DND1: variants seen among roughly 807,000 people sequenced by gnomAD.
DND1 encodes dead end protein homolog 1.
Under a neutral mutation model 30.4 loss-of-function variants are expected in DND1, and 6 were observed. The ratio of observed to expected loss-of-function variants is 0.20; its 90% CI spans 0.11 to 0.39. DND1 has a LOEUF of 0.39. Among genes scored for constraint, DND1 ranks in the 10% least tolerant of loss-of-function variants. DND1 has a pLI of 1.00. For missense variants in DND1, 358 were observed against 474.9 expected (o/e 0.75, Z 2.29); for synonymous variants, 178 against 210.4 (o/e 0.85, Z 1.33).
In DND1 at chr5:140,673,388, G is replaced by A; in HGVS notation, c.25C>T (p.Leu9=). The change falls in exon 2 of 4, where the codon CTG becomes TTG. Residue 9 remains leucine (L), a splice_region_variant and synonymous_variant. Transcript: ENST00000542735. ...TCTGGATTCACCCTCTCACACCACA[G>A]CTGAGAGGGAAAGGAAGGTTGGAAT... MQSKRDCE[L]WCERVNPENK... The A allele has an allele frequency of 6.2e-7, 1 of 1,614,044 alleles. No individual in the cohort carries two copies. The highest frequency in any genetic ancestry group is 8.5e-7 in the Non-Finnish European group (1 of 1,179,900).
intron 3 of DND1, 136 bp from the exon 4 acceptor site, chr5:140,671,886 A>T: frequency 1.0e-6 from 1 of 967,840 alleles, no homozygotes; most frequent in South Asian, 1.4e-5. Flanking sequence ...GGGTAAGAAA[A>T]GACAATGAAG....
intron 3 of DND1, 182 bp from the exon 4 acceptor site, chr5:140,671,932 A>G (rs1254652422): frequency 1.5e-6 from 1 of 680,840 alleles, no homozygotes; most frequent in African/African-American, 1.8e-5. Flanking sequence ...GGAGTATAAC[A>G]CACTGCTACC....
Position 140,671,019 on chromosome 5 carries a change from TG to T in DND1, c.*273del, listed in dbSNP as rs1419685139. 1 of 449,856 alleles carries T rather than the reference TG, an allele frequency of 2.2e-6. No individual in the cohort carries two copies. The highest frequency in any genetic ancestry group is 3.8e-6 in the Non-Finnish European group (1 of 260,026). The allele number at this position is 449,856 out of a possible 1,614,324, so 27.9% of individuals were successfully genotyped here. A position where few individuals can be genotyped will look rare whatever the true frequency, so the allele number is the denominator to read the frequency against. Reference sequence around the variant, plus strand: ...GCAGAGGGGGGAAGGTATGATCGGGTGGGGGTGGGACAAGGAACGGCCATGG... The same window carrying T: ...GCAGAGGGGGGAAGGTATGATCGGGTGGGGTGGGACAAGGAACGGCCATGG... On this transcript the variant is annotated 3_prime_UTR_variant, in exon 4 of 4. Coordinates refer to ENST00000542735, the MANE Select transcript of DND1 (RefSeq NM_194249.3).
chr5:140,672,980 G>C, intron 2 of DND1, 74 bp from the exon 3 acceptor site: 4 of 1,481,006 alleles, frequency 2.7e-6, no homozygotes, highest in Non-Finnish European at 3.6e-6. Context: ...CCAGCGCGCG[G>C]GGGTGGGAGG....
intron 1 of DND1, 50 bp downstream of exon 1, chr5:140,673,469 G>A (rs1758155734): frequency 8.1e-6 from 13 of 1,612,820 alleles, no homozygotes; most frequent in Non-Finnish European, 1.1e-5. Context: ...CCCTAAAGCC[G>A]ACCCCCGCTC....
rs781541146 is a variant in DND1 at position 140,672,764 on chromosome 5, G to A, written c.285C>T (p.Gly95=). 1.3e-6 allele frequency: 2 copies of A among 1,587,880 alleles called. No individual in the cohort carries two copies. The highest frequency in any genetic ancestry group is 2.3e-5 in the East Asian group (1 of 44,152). The change falls in exon 3 of 4, where the codon GGC becomes GGT. Residue 95 remains glycine, a synonymous_variant. Coordinates refer to ENST00000542735, the MANE Select transcript of DND1 (RefSeq NM_194249.3). Reference sequence around the variant, plus strand: ...GGGCATAGGCGAAGCCGCGGTTCAGGCCGCTGAAGGTCATCATCAGGCGGA... The same window carrying A: ...GGGCATAGGCGAAGCCGCGGTTCAGACCGCTGAAGGTCATCATCAGGCGGA... ...YEFRLMMTFS[G]LNRGFAYARY...
chr5:140,672,124 A>G (rs950413335), intron 3 of DND1: 22 of 545,510 alleles, frequency 4.0e-5, no homozygotes, highest in African/African-American at 4.0e-4. Flanking sequence ...TAGTAGTAAA[A>G]AGCTCAGTTG....
At position 140,672,813 on chromosome 5, in the gene DND1, TG is replaced by T; in HGVS notation, c.235del (p.Gln79SerfsTer11). The T allele has an allele frequency of 1.3e-6, 2 of 1,565,200 alleles. No homozygotes were observed. The highest frequency in any genetic ancestry group is 1.7e-6 in the Non-Finnish European group (2 of 1,162,508). On this transcript the variant is annotated frameshift_variant, in exon 3 of 4. Transcript: ENST00000542735. LOFTEE classifies it high-confidence loss of function. ...VYEHQLIPLF[Q>X]RVGRLYEFRL... ...GAACTCGTAGAGGCGGCCCACGCGCTGGAACAGCGGGATAAGCTGGTGCTCG... is the reference window on the plus strand; with the variant it reads ...GAACTCGTAGAGGCGGCCCACGCGCTGAACAGCGGGATAAGCTGGTGCTCG...
In DND1 at chr5:140,671,421, C is replaced by T; in HGVS notation, c.934G>A (p.Asp312Asn). 1.2e-6 allele frequency: 2 copies of T among 1,612,160 alleles called. No homozygotes were observed. Among genetic ancestry groups the T allele is most frequent in the Non-Finnish European group, 1.7e-6 (2 of 1,179,856 alleles). Reference protein sequence around the residue: ...SGLIWVVLTLDGRDGHEVAKD... With the variant: ...SGLIWVVLTLNGRDGHEVAKD... ...GCCACCTCATGCCCATCCCGGCCAT[C>T]TAGGGTCAGCACAACCCAGATGAGG... Residue 312 changes from aspartate to asparagine, a missense_variant, in exon 4 of 4, where the codon GAT becomes AAT. This residue lies in a region of DND1 where 176 missense variants were observed against 235.2 expected (regional missense o/e 0.75). Coordinates refer to ENST00000542735, the MANE Select transcript of DND1 (RefSeq NM_194249.3).
At position 140,672,479 on chromosome 5, in the gene DND1, C is replaced by T. The variant is rs772684319; in HGVS notation, c.570G>A (p.Arg190=). 9 of 1,604,674 alleles carry T rather than the reference C, an allele frequency of 5.6e-6. No homozygotes were observed. The highest frequency in any genetic ancestry group is 1.3e-5 in the African/African-American group (1 of 74,796). Residue 190 remains arginine (R), a synonymous_variant, in exon 3 of 4, where the codon CGG becomes CGA. Transcript: ENST00000542735. ...GGGCCTTTTTGGCCATGGCAGCGGC[C>T]CGGTGCGAGCTGAATTTGAGCAGAG... is the stretch of plus-strand genomic sequence containing the variant. The part of the protein sequence containing the change: ...QIALLKFSSH[R]AAAMAKKALV...
At position 140,671,354 on chromosome 5, in the gene DND1, T is replaced by C. The variant is rs1017627641; in HGVS notation, c.1001A>G (p.Glu334Gly). 1 of 1,612,696 alleles carries C rather than the reference T, an allele frequency of 6.2e-7. No individual in the cohort carries two copies. Among genetic ancestry groups the C allele is most frequent in the Non-Finnish European group, 8.5e-7 (1 of 1,179,904 alleles). The change falls in exon 4 of 4, where the codon GAG becomes GGG. Residue 334 changes from glutamate to glycine, a missense_variant. Coordinates refer to ENST00000542735, the MANE Select transcript of DND1 (RefSeq NM_194249.3). Reference protein sequence around the residue: ...VSVRLLQALSESGANLLWSAG... With the variant: ...VSVRLLQALSGSGANLLWSAG... ...AGACCACAGGAGGTTGGCCCCAGAC[T>C]CACTGAGTGCCTGCAGCAGCCGTAC...
chr5:140,672,310 C>T, intron 3 of DND1, 135 bp downstream of exon 3: 2 of 978,024 alleles, frequency 2.0e-6, no homozygotes, highest in Non-Finnish European at 3.0e-6. Flanking sequence ...TTTTAAAAAT[C>T]TGAGATCAAA....
In DND1 at chr5:140,672,496, T is replaced by C. The variant is rs1332573657; in HGVS notation, c.553A>G (p.Lys185Glu). The C allele has an allele frequency of 2.5e-6, 4 of 1,603,386 alleles. No homozygotes were observed. Among genetic ancestry groups the C allele is most frequent in the Non-Finnish European group, 3.4e-6 (4 of 1,177,286 alleles). The change falls in exon 3 of 4, where the codon AAA (lysine) becomes GAA (glutamate). Residue 185 changes from lysine (K) to glutamate (E), a missense_variant. Around this residue, in one of 3 missense-constraint regions of DND1, gnomAD observed 176 missense variants for 235.2 expected, o/e 0.75. Transcript: ENST00000542735. ...GPAPGQIALL[K>E]FSSHRAAAMA... ...GCAGCGGCCCGGTGCGAGCTGAATTTGAGCAGAGCGATCTGCCCGGGCGCC... is the reference window on the plus strand; with the variant it reads ...GCAGCGGCCCGGTGCGAGCTGAATTCGAGCAGAGCGATCTGCCCGGGCGCC...
chr5:140,672,519 G>A lies in DND1; in HGVS notation c.530C>T (p.Ala177Val), dbSNP rs752706118. Residue 177 changes from alanine (A) to valine (V), a missense_variant, in exon 3 of 4, where the codon GCG (alanine) becomes GTG (valine). Physicochemically the swap from Ala to Val is moderately conservative, Grantham distance 64 (BLOSUM62 0). Coordinates refer to ENST00000542735, the MANE Select transcript of DND1 (RefSeq NM_194249.3). ...TTTGAGCAGAGCGATCTGCCCGGGC[G>A]CCGGTCCGGGGCTGGGCAGCAGCCG... The part of the protein sequence containing the change: ...EARLLPSPGP[A>V]PGQIALLKFS... 84 of 1,593,664 alleles carry A rather than the reference G, an allele frequency of 5.3e-5. No individual in the cohort carries two copies. Among genetic ancestry groups the A allele is most frequent in the Non-Finnish European group, 6.8e-5 (80 of 1,173,768 alleles).
chr5:140,672,976 C>T, intron 2 of DND1, 70 bp from the exon 3 acceptor site: 1 of 1,496,214 alleles, frequency 6.7e-7, no homozygotes, highest in South Asian at 1.2e-5. Context: ...GGACCCAGCG[C>T]GCGGGGGTGG....
chr5:140,672,115 A>G, intron 3 of DND1: 1 of 541,912 alleles, frequency 1.8e-6, no homozygotes. Context: ...CAGATTCTAT[A>G]GTAGTAAAAA....
In DND1 at chr5:140,671,456, G is replaced by A; in HGVS notation, c.899C>T (p.Pro300Leu). 2 of 1,609,932 alleles carry A rather than the reference G, an allele frequency of 1.2e-6. No individual in the cohort carries two copies. Among genetic ancestry groups the A allele is most frequent in the Non-Finnish European group, 1.7e-6 (2 of 1,179,116 alleles). ...CACAACCCAGATGAGGCCGCTGAAG[G>A]GCACCGGATGCCCAGGAATCACCAC... ...YQVVIPGHPVPFSGLIWVVLT... is the reference protein window; with the variant it reads ...YQVVIPGHPVLFSGLIWVVLT... Residue 300 changes from proline to leucine, a missense_variant, in exon 4 of 4, where the codon CCC becomes CTC. This residue lies in a region of DND1 where 176 missense variants were observed against 235.2 expected (regional missense o/e 0.75). Coordinates refer to ENST00000542735, the MANE Select transcript of DND1 (RefSeq NM_194249.3).
intron 2 of DND1, 26 bp downstream of exon 2, chr5:140,673,245 A>T: frequency 6.2e-7 from 1 of 1,609,914 alleles, no homozygotes; most frequent in South Asian, 1.1e-5. Flanking sequence ...GTAGCCGGAC[A>T]GGCGGAGGGG....
At position 140,672,674 on chromosome 5, in the gene DND1, C is replaced by G; in HGVS notation, c.375G>C (p.Pro125=). Residue 125 remains proline (P), a synonymous_variant, in exon 3 of 4, where the codon CCG becomes CCC. Coordinates refer to ENST00000542735, the MANE Select transcript of DND1 (RefSeq NM_194249.3). ...TGCGGCACACGAGCAGCGGGCAGGA[C>G]GGCCGCAGCGGATGGTTGTGCAGCG... The part of the protein sequence containing the change: ...IATLHNHPLR[P]SCPLLVCRST... 1 of 1,576,766 alleles carries G rather than the reference C, an allele frequency of 6.3e-7. No homozygotes were observed. The highest frequency in any genetic ancestry group is 8.6e-7 in the Non-Finnish European group (1 of 1,169,468).
Sources: gnomAD v4.1 joint callset for allele counts on GRCh38, gnomAD v4.1.1 for gene constraint, gnomAD v4.1.1 regional missense constraint, MANE v1.5 for transcripts, NCBI Gene and HGNC (gene_info 2026-07-23, HGNC 2026-07-21) for gene names.